Variants in ABCA10 observed in about 807,000 individuals in gnomAD.
The protein encoded by ABCA10 is ATP binding cassette subfamily A member 10.
ABCA10 carries 169 observed loss-of-function variants against 187.5 expected under a neutral mutation model. That is an observed-to-expected ratio of 0.90 (90% CI 0.80 to 1.02). The LOEUF is 1.02. Among genes scored for constraint, ABCA10 ranks in the 50% least tolerant of loss-of-function variants. ABCA10 has a pLI of 0.00. For synonymous variants in ABCA10, 574 were observed against 601.8 expected, an observed-to-expected ratio of 0.95 and a Z score of 0.68; for missense variants, 1,727 against 1,812.4, an observed-to-expected ratio of 0.95 and a Z score of 0.86.
chr17:69,226,811 C>G (rs1208980489), intron 2 of ABCA10, among the ~76,000 whole-genome samples: 1 of 151,728 alleles, frequency 6.6e-6, no homozygotes, highest in Non-Finnish European at 1.5e-5. Context: ...GTCCCTGCCC[C>G]CAACACAGAA....
chr17:69,151,055 CTTTG>C (rs1240358479), intron 36 of ABCA10, among the ~76,000 whole-genome samples: 3 of 152,182 alleles, frequency 2.0e-5, no homozygotes, highest in Admixed American at 6.5e-5. Context: ...AAATCCCCCA[CTTTG>C]TTTGTTGCCA....
At chr17:69,214,159 A>AC (rs1395067007) in intron 9 of ABCA10, among the ~76,000 whole-genome samples, 1 of 152,286 alleles carries the variant, frequency 6.6e-6, no homozygotes, top group East Asian at 1.9e-4. Flanking sequence ...CATACATCCT[A>AC]CCTTTACGAA....
intron 21 of ABCA10, 23 bp downstream of exon 21, chr17:69,182,652 A>AT (rs1328909880): frequency 1.9e-6 from 3 of 1,548,334 alleles, no homozygotes; most frequent in Non-Finnish European, 2.6e-6. Context: ...CCAAAAAAAA[A>AT]CAGTGCATAG....
At chr17:69,159,811 A>G (rs561724470) in intron 27 of ABCA10, among the ~76,000 whole-genome samples, 1 of 152,334 alleles carries the variant, frequency 6.6e-6, no homozygotes, top group African/African-American at 2.4e-5. Context: ...AAATAGACCA[A>G]TGGAATAGAA....
At chr17:69,232,965 C>G (rs2074841450), upstream of ABCA10, 1 of 152,072 alleles carries the variant, frequency 6.6e-6, no homozygotes, top group Non-Finnish European at 1.5e-5. Context: ...CTATTTGCTT[C>G]TTTTATTTCT....
In ABCA10 at chr17:69,197,053, T is replaced by C; in HGVS notation, c.1234+11A>G. On this transcript the variant is annotated intron_variant, in intron 11 of 38. Coordinates refer to ENST00000690296, the MANE Select transcript of ABCA10 (RefSeq NM_001377321.1). ...GGGAGAGGGAGAGGGAGAGGGAGTT[T>C]TTCTTTTTACCTTGCAATGCTTCTA... 2 of 1,454,952 alleles carry C rather than the reference T, an allele frequency of 1.4e-6. No individual in the cohort carries two copies. The highest frequency in any genetic ancestry group is 2.4e-5 in the South Asian group (2 of 83,158). 90.1% of individuals were successfully genotyped at this position (1,454,952 alleles called of 1,614,324 possible). A position where few individuals can be genotyped will look rare whatever the true frequency, so the allele number is the denominator to read the frequency against.
intron 22 of ABCA10, among the ~76,000 whole-genome samples, chr17:69,180,044 T>C (rs1191468553): frequency 2.0e-5 from 3 of 152,212 alleles, no homozygotes; most frequent in African/African-American, 7.2e-5. Context: ...TCCACAGTAA[T>C]GATAATAATG....
rs181400706 is a variant in ABCA10, at chr17:69,236,888, C to A, written c.-593+7641G>T. Among the ~76,000 whole-genome samples, 143 of 152,224 alleles carry A rather than the reference C, an allele frequency of 9.4e-4. 1 individual carries two copies. The highest frequency in any genetic ancestry group is 1.1e-3 in the Non-Finnish European group (77 of 68,022). On this transcript the variant is annotated intron_variant, in intron 1 of 39. Coordinates refer to the ABCA10 transcript ENST00000269081. ...CAGTCTCTCACAACGAAAAATTATC[C>A]AGCCCAAAATGTCAATAGTACCAAG...
At chr17:69,166,833 C>T (rs1175001355) in intron 25 of ABCA10, among the ~76,000 whole-genome samples, 1 of 152,132 alleles carries the variant, frequency 6.6e-6, no homozygotes, top group Non-Finnish European at 1.5e-5. Context: ...GAAGTGCCCT[C>T]CCTATTCTGG....
chr17:69,216,187 T>A, intron 7 of ABCA10, 30 bp downstream of exon 7: 1 of 1,596,404 alleles, frequency 6.3e-7, no homozygotes, highest in Non-Finnish European at 8.5e-7. Flanking sequence ...CTGAAACAGG[T>A]TAAGAGGTAA....
At chr17:69,243,392 G>A (rs77517947) in intron 1 of ABCA10, among the ~76,000 whole-genome samples, 2,342 of 152,294 alleles carry the variant, frequency 0.015, 50 homozygotes, top group African/African-American at 0.054. Context: ...TGGACAGCAT[G>A]CTACTATACT....
intron 22 of ABCA10, among the ~76,000 whole-genome samples, chr17:69,181,240 C>T (rs1302645282): frequency 6.6e-6 from 1 of 152,136 alleles, no homozygotes; most frequent in Non-Finnish European, 1.5e-5. Flanking sequence ...GACACTCTGA[C>T]ATAAAATTAA....
chr17:69,186,945 A>G lies in ABCA10; in HGVS notation c.2330+736T>C, dbSNP rs114115316. ...CTCCTAGAACAATGCCTAGTATACT[A>G]TAACAGGCTTCAATAAAGATTTGTG... On this transcript the variant is annotated intron_variant, in intron 19 of 38. Coordinates refer to ENST00000690296, the MANE Select transcript of ABCA10 (RefSeq NM_001377321.1). Among the ~76,000 whole-genome samples the G allele has an allele frequency of 3.0e-3, 461 of 152,312 alleles. 3 individuals are homozygous for G. The highest frequency in any genetic ancestry group is 0.011 in the African/African-American group (446 of 41,564).
chr17:69,189,426 T>C (rs979841308), intron 18 of ABCA10, among the ~76,000 whole-genome samples: 1 of 152,210 alleles, frequency 6.6e-6, no homozygotes, highest in African/African-American at 2.4e-5. Context: ...TATTATACCT[T>C]TGTTGGGTGC....
chr17:69,201,590 T>G lies in ABCA10; in HGVS notation c.1085A>C (p.Glu362Ala). ...AGGATTTATTTCATTCTCAAAGATT[T>G]CATGATGAGTATTTTGATGTTTGGA... ...FWSKHQNTHHEIFENEINPEH... is the reference protein window; with the variant it reads ...FWSKHQNTHHAIFENEINPEH... Residue 362 changes from glutamate (E) to alanine (A), a missense_variant, in exon 10 of 39, where the codon GAA (glutamate) becomes GCA (alanine). Transcript: ENST00000690296. The G allele has an allele frequency of 2.5e-6, 4 of 1,612,992 alleles. No individual in the cohort carries two copies. Among genetic ancestry groups the G allele is most frequent in the Non-Finnish European group, 3.4e-6 (4 of 1,179,660 alleles).
intron 11 of ABCA10, among the ~76,000 whole-genome samples, chr17:69,195,104 T>G (rs1244203429): frequency 6.6e-6 from 1 of 152,194 alleles, no homozygotes; most frequent in Non-Finnish European, 1.5e-5. Context: ...CAACTTTTTC[T>G]TTAATGTTTG....
intron 9 of ABCA10, among the ~76,000 whole-genome samples, chr17:69,208,433 A>G (rs2074609174): frequency 6.6e-6 from 1 of 150,716 alleles, no homozygotes; most frequent in Non-Finnish European, 1.5e-5. Context: ...AAAAAAAAAA[A>G]AAAAAAAAGA....
intron 7 of ABCA10, 76 bp from the exon 8 acceptor site, chr17:69,216,076 C>T: frequency 6.4e-7 from 1 of 1,559,502 alleles, no homozygotes; most frequent in Non-Finnish European, 8.7e-7. Context: ...CGATTTCTCA[C>T]ATTGTCAAAA....
chr17:69,219,395 T>TA (rs1470330611), intron 6 of ABCA10, 150 bp downstream of exon 6: 26 of 503,368 alleles, frequency 5.2e-5, no homozygotes, highest in Non-Finnish European at 6.8e-6. Context: ...ACTTACTTTC[T>TA]ACTGCAAGCA....
Sources: gnomAD v4.1 joint callset for allele counts (sites outside exome capture counted in the v4.1 genomes callset) on GRCh38, gnomAD v4.1.1 for gene constraint, MANE v1.5 for transcripts, NCBI Gene and HGNC (gene_info 2026-07-23, HGNC 2026-07-21) for gene names.